GRIN2B: variants seen among roughly 807,000 people sequenced by gnomAD.
The protein encoded by GRIN2B is glutamate receptor ionotropic, NMDA 2B.
GRIN2B carries 5 observed loss-of-function variants against 114.5 expected under a neutral mutation model. That is an observed-to-expected ratio of 0.04 (90% CI 0.02 to 0.09). GRIN2B has a LOEUF of 0.09. Among genes scored for constraint, GRIN2B ranks in the 10% least tolerant of loss-of-function variants. GRIN2B has a pLI of 1.00. For synonymous variants in GRIN2B, 787 were observed against 745.1 expected (o/e 1.06, Z -0.92); for missense variants, 1,108 against 1,943.5 (o/e 0.57, Z 8.08).
At chr12:13,700,158 T>C (rs12809820) in intron 4 of GRIN2B, among the ~76,000 whole-genome samples, 15,249 of 152,060 alleles carry the variant, frequency 0.1, 1,008 homozygotes, top group East Asian at 0.32. Context: ...TCTTGAGACA[T>C]CATCTGCACA....
chr12:13,876,531 T>C (rs1434865938), intron 2 of GRIN2B, among the ~76,000 whole-genome samples: 4 of 152,202 alleles, frequency 2.6e-5, no homozygotes, highest in Non-Finnish European at 4.4e-5. Flanking sequence ...GACAATCTCA[T>C]GGGTAATGTA....
intron 12 of GRIN2B, among the ~76,000 whole-genome samples, chr12:13,567,923 T>TA (rs1948662303): frequency 6.6e-6 from 1 of 151,912 alleles, no homozygotes; most frequent in Non-Finnish European, 1.5e-5. Flanking sequence ...AATAACATAA[T>TA]CAAACGAGTG....
rs116885775 is a variant in GRIN2B at position 13,890,442 on chromosome 12, C to T, written c.-18-24216G>A. Among the ~76,000 whole-genome samples, 41 of 152,242 alleles carry T rather than the reference C, an allele frequency of 2.7e-4. No individual in the cohort carries two copies. The East Asian group carries it at 6.0e-3, about 22-fold the overall frequency. On this transcript the variant is annotated intron_variant, in intron 2 of 13. Coordinates refer to ENST00000609686, the MANE Select transcript of GRIN2B (RefSeq NM_000834.5). Reference sequence around the variant, plus strand: ...CCTAAACAGCATCTCAAAATCTGATCGTTTGCGGAGGACTGGAGGACAGGT... The same window carrying T: ...CCTAAACAGCATCTCAAAATCTGATTGTTTGCGGAGGACTGGAGGACAGGT...
At chr12:13,975,701 G>A (rs35265263) in intron 2 of GRIN2B, among the ~76,000 whole-genome samples, 30,257 of 152,078 alleles carry the variant, frequency 0.2, 3,909 homozygotes, top group Non-Finnish European at 0.28. Flanking sequence ...TAGTCACTAC[G>A]CTAAGTACAA....
chr12:13,797,404 A>G (rs183753096), intron 3 of GRIN2B, among the ~76,000 whole-genome samples: 18 of 152,334 alleles, frequency 1.2e-4, no homozygotes, highest in Admixed American at 9.8e-4. Context: ...AGCAAATACT[A>G]TAAGTTGCAC....
intron 3 of GRIN2B, among the ~76,000 whole-genome samples, chr12:13,834,889 C>T (rs982045821): frequency 6.6e-6 from 1 of 152,208 alleles, no homozygotes; most frequent in Non-Finnish European, 1.5e-5. Context: ...TTACATCAGA[C>T]TCTTTATGGG....
intron 4 of GRIN2B, among the ~76,000 whole-genome samples, chr12:13,721,204 T>C (rs1381036016): frequency 2.0e-5 from 3 of 151,882 alleles, no homozygotes; most frequent in Non-Finnish European, 2.9e-5. Context: ...TTGGCACATT[T>C]GAAGAAAAGG....
At chr12:13,708,256 C>T (rs539646991) in intron 4 of GRIN2B, among the ~76,000 whole-genome samples, 7 of 152,154 alleles carry the variant, frequency 4.6e-5, no homozygotes, top group Admixed American at 3.9e-4. Flanking sequence ...CCACGCTTCC[C>T]GTAAGTTTTA....
intron 3 of GRIN2B, among the ~76,000 whole-genome samples, chr12:13,783,360 T>A (rs1194976467): frequency 2.6e-5 from 4 of 152,224 alleles, no homozygotes; most frequent in Non-Finnish European, 5.9e-5. Flanking sequence ...GCAACAGGAT[T>A]CCCTATGTAA....
intron 3 of GRIN2B, among the ~76,000 whole-genome samples, chr12:13,781,214 A>G (rs954817651): frequency 4.6e-5 from 7 of 152,252 alleles, no homozygotes. Context: ...TGAAGGTGTC[A>G]GTTGGCAAGA....
At position 13,826,913 on chromosome 12, in the gene GRIN2B, CT is replaced by C. The variant is rs956051675; in HGVS notation, c.411+38884del. On this transcript the variant is annotated intron_variant, in intron 3 of 13. Coordinates refer to ENST00000609686, the MANE Select transcript of GRIN2B (RefSeq NM_000834.5). ...ATGTACCATTGACTAATTACCTCAG[CT>C]TTTTTTTTCCTCTGAAAGCCTTTAT... 5.4e-3 allele frequency among the ~76,000 whole-genome samples: 813 copies of C among 150,616 alleles called. 3 individuals are homozygous for C. The highest frequency in any genetic ancestry group is 7.2e-3 in the Non-Finnish European group (488 of 67,566).
intron 2 of GRIN2B, among the ~76,000 whole-genome samples, chr12:13,924,093 C>A (rs534617365): frequency 1.3e-5 from 2 of 152,282 alleles, no homozygotes; most frequent in South Asian, 4.2e-4. Flanking sequence ...GAATCTATAA[C>A]CTGTGCCTCT....
intron 4 of GRIN2B, among the ~76,000 whole-genome samples, chr12:13,727,671 T>C (rs1863016054): frequency 6.6e-6 from 1 of 152,176 alleles, no homozygotes. Flanking sequence ...TCTGCAGAGT[T>C]TGTGAAATGG....
rs1948370086 is a variant in GRIN2B, at chr12:13,548,197, C to G, written c.*14586G>C. The G allele has an allele frequency of 6.6e-6, 1 of 151,622 alleles. No homozygotes were observed. The highest frequency in any genetic ancestry group is 6.6e-5 in the Admixed American group (1 of 15,196). 9.4% of individuals were successfully genotyped at this position (151,622 alleles called of 1,614,324 possible). A position where few individuals can be genotyped will look rare whatever the true frequency, so the allele number is the denominator to read the frequency against. On this transcript the variant is annotated 3_prime_UTR_variant, in exon 14 of 14. Transcript: ENST00000609686. ...GGCTCTAAAATTGAGCTTATCTTCT[C>G]TGTCTTTCATAGGATAGCTAAGCAC...
At chr12:13,567,682 T>C (rs563216867) in intron 12 of GRIN2B, among the ~76,000 whole-genome samples, 205 of 152,244 alleles carry the variant, frequency 1.3e-3, no homozygotes, top group African/African-American at 4.8e-3. Flanking sequence ...GAAGTGGGCA[T>C]GCTGGATGGA....
chr12:13,871,202 T>A (rs1219523401), intron 2 of GRIN2B, among the ~76,000 whole-genome samples: 1 of 152,012 alleles, frequency 6.6e-6, no homozygotes, highest in African/African-American at 2.4e-5. Flanking sequence ...TACCTAGAAA[T>A]GTATATAGAA....
At chr12:13,937,378 G>A (rs1867148040) in intron 2 of GRIN2B, among the ~76,000 whole-genome samples, 1 of 151,828 alleles carries the variant, frequency 6.6e-6, no homozygotes, top group Admixed American at 6.6e-5. Context: ...TGAAGACCTG[G>A]CTAAAGAGAC....
At chr12:13,575,856 T>C (rs556463677) in intron 10 of GRIN2B, among the ~76,000 whole-genome samples, 29 of 152,244 alleles carry the variant, frequency 1.9e-4, no homozygotes, top group Admixed American at 8.5e-4. Flanking sequence ...TTTCTGGAAG[T>C]ATTATTTTAA....
chr12:13,746,939 G>A (rs142146239), intron 4 of GRIN2B, among the ~76,000 whole-genome samples: 8 of 152,224 alleles, frequency 5.3e-5, no homozygotes, highest in East Asian at 3.9e-4. Context: ...TGCTGGCACC[G>A]TGCCTCTTGT....
Sources: gnomAD v4.1 joint callset for allele counts (sites outside exome capture counted in the v4.1 genomes callset) on GRCh38, gnomAD v4.1.1 for gene constraint, MANE v1.5 for transcripts, NCBI Gene and HGNC (gene_info 2026-07-23, HGNC 2026-07-21) for gene names.